The following FCHO2 variants were observed in gnomAD, a reference collection of about 807,000 sequenced individuals.
The protein encoded by FCHO2 is F-BAR domain only protein 2.
In FCHO2, 43 loss-of-function variants were observed where a neutral mutation model predicts 114.1. The ratio of observed to expected loss-of-function variants is 0.38; its 90% CI spans 0.30 to 0.49. FCHO2 has a LOEUF of 0.49. FCHO2 is among the 20% of genes least tolerant of loss of function. FCHO2 has a pLI of 0.97. For missense variants in FCHO2, 807 were observed against 950.4 expected, an observed-to-expected ratio of 0.85 and a Z score of 1.98; for synonymous variants, 293 against 315.2, an observed-to-expected ratio of 0.93 and a Z score of 0.75.
At chr5:73,039,090 A>G (rs1055078667) in intron 10 of FCHO2, among the ~76,000 whole-genome samples, 1 of 152,192 alleles carries the variant, frequency 6.6e-6, no homozygotes, top group Admixed American at 6.5e-5. Context: ...ACCAATGGCA[A>G]TAGTAGAGCA....
chr5:72,979,841 G>T (rs1276512801), intron 2 of FCHO2, among the ~76,000 whole-genome samples: 2 of 151,828 alleles, frequency 1.3e-5, no homozygotes, highest in African/African-American at 4.8e-5. Context: ...CTCTTTTCTT[G>T]TTTGTTATTC....
chr5:73,043,932 G>T (rs1451911690), intron 11 of FCHO2, among the ~76,000 whole-genome samples: 1 of 152,114 alleles, frequency 6.6e-6, no homozygotes, highest in Non-Finnish European at 1.5e-5. Flanking sequence ...GCCCAAATCT[G>T]TTGTCAAATT....
chr5:73,073,642 CTATT>C (rs1742769046), intron 19 of FCHO2, among the ~76,000 whole-genome samples: 1 of 151,984 alleles, frequency 6.6e-6, no homozygotes, highest in Non-Finnish European at 1.5e-5. Context: ...TCTTTTTTCA[CTATT>C]TATAGCATCT....
At chr5:73,026,419 G>A (rs1023555721) in intron 8 of FCHO2, among the ~76,000 whole-genome samples, 4 of 151,768 alleles carry the variant, frequency 2.6e-5, no homozygotes, top group African/African-American at 9.7e-5. Context: ...GCCATGAGCC[G>A]AGATTGCATC....
At chr5:72,968,702 A>T in intron 2 of FCHO2, 113 bp downstream of exon 2, 2 of 729,100 alleles carry the variant, frequency 2.7e-6, no homozygotes, top group South Asian at 4.0e-5. Context: ...AATTGTTTTA[A>T]AATATGTACT....
intron 8 of FCHO2, among the ~76,000 whole-genome samples, chr5:73,027,402 A>G (rs1379942293): frequency 6.6e-6 from 1 of 151,620 alleles, no homozygotes; most frequent in Non-Finnish European, 1.5e-5. Flanking sequence ...TTGAAGAGCA[A>G]AAGTTAATTT....
intron 20 of FCHO2, among the ~76,000 whole-genome samples, chr5:73,075,460 CAGG>C: frequency 6.6e-6 from 1 of 152,176 alleles, no homozygotes; most frequent in South Asian, 2.1e-4. Context: ...TAGGAGTAAA[CAGG>C]AGAGTACTTG....
chr5:73,060,245 T>C (rs1465102867), intron 17 of FCHO2, among the ~76,000 whole-genome samples: 2 of 152,048 alleles, frequency 1.3e-5, no homozygotes, highest in Non-Finnish European at 2.9e-5. Context: ...TTGCTGGTTT[T>C]AAAATTCACT....
chr5:72,972,806 T>A (rs918950932), intron 2 of FCHO2, among the ~76,000 whole-genome samples: 2 of 152,128 alleles, frequency 1.3e-5, no homozygotes, highest in African/African-American at 4.8e-5. Context: ...GCTTCCAGTT[T>A]TTGCCCATTC....
intron 8 of FCHO2, among the ~76,000 whole-genome samples, chr5:73,025,466 C>T (rs1755866001): frequency 6.6e-6 from 1 of 151,584 alleles, no homozygotes; most frequent in Non-Finnish European, 1.5e-5. Flanking sequence ...GCAACCTCCG[C>T]CTGCCGGGTT....
intron 10 of FCHO2, among the ~76,000 whole-genome samples, chr5:73,038,635 A>G (rs370660411): frequency 2.0e-5 from 3 of 152,072 alleles, no homozygotes; most frequent in South Asian, 2.1e-4. Context: ...TTATATTTCT[A>G]TTTGAGTTTC....
intron 12 of FCHO2, 52 bp downstream of exon 12, chr5:73,051,458 G>A: frequency 8.5e-7 from 1 of 1,182,644 alleles, no homozygotes; most frequent in Non-Finnish European, 1.2e-6. Flanking sequence ...ATATAAGTAG[G>A]CAGTTATAAG....
At chr5:73,078,712 A>C (rs1241135469) in intron 22 of FCHO2, among the ~76,000 whole-genome samples, 3 of 152,244 alleles carry the variant, frequency 2.0e-5, no homozygotes, top group African/African-American at 7.2e-5. Flanking sequence ...GCATTAATAA[A>C]TACTGGGAAA....
chr5:72,995,789 T>C (rs1754060070), intron 5 of FCHO2, among the ~76,000 whole-genome samples: 1 of 152,066 alleles, frequency 6.6e-6, no homozygotes, highest in Admixed American at 6.6e-5. Context: ...AACCGATTAA[T>C]ACATTAATAG....
At chr5:73,056,735 T>C (rs971211415) in intron 16 of FCHO2, among the ~76,000 whole-genome samples, 3 of 152,178 alleles carry the variant, frequency 2.0e-5, no homozygotes, top group African/African-American at 4.8e-5. Flanking sequence ...CTGGTTATTC[T>C]CATGGGAATT....
At chr5:73,033,108 T>A (rs1004893604) in intron 8 of FCHO2, among the ~76,000 whole-genome samples, 7 of 152,148 alleles carry the variant, frequency 4.6e-5, no homozygotes, top group Admixed American at 2.0e-4. Flanking sequence ...TTAAATGATT[T>A]CTCAGCTTCC....
At chr5:72,993,759 G>C (rs1753931874) in intron 5 of FCHO2, among the ~76,000 whole-genome samples, 2 of 152,150 alleles carry the variant, frequency 1.3e-5, no homozygotes, top group African/African-American at 4.8e-5. Flanking sequence ...TAATGGCTTT[G>C]ATTATTTTCT....
At position 73,081,900 on chromosome 5, in the gene FCHO2, C is replaced by T; in HGVS notation, c.2098C>T (p.Pro700Ser). 1 of 1,612,422 alleles carries T rather than the reference C, an allele frequency of 6.2e-7. No homozygotes were observed. The highest frequency in any genetic ancestry group is 1.7e-5 in the Admixed American group (1 of 59,900). Residue 700 changes from proline to serine, a missense_variant, in exon 23 of 26, where the codon CCT becomes TCT. Coordinates refer to ENST00000430046, the MANE Select transcript of FCHO2 (RefSeq NM_138782.3). ...YKYNPEAMVAPSVLSNIQVVV... is the reference protein window; with the variant it reads ...YKYNPEAMVASSVLSNIQVVV... ...ATACAATCCAGAAGCTATGGTGGCA[C>T]CTAGTGTGCTTTCCAACATACAGGT... is the stretch of plus-strand genomic sequence containing the variant.
In FCHO2 at chr5:73,089,766, G is replaced by A. The variant is rs573809262; in HGVS notation, c.*1676G>A. ...CTAGACATTTATGTAACATCTTGCT[G>A]TACTAAATACAGCAGAAAATCTACT... On this transcript the variant is annotated 3_prime_UTR_variant, in exon 26 of 26. Coordinates refer to ENST00000430046, the MANE Select transcript of FCHO2 (RefSeq NM_138782.3). 1 of 152,578 alleles carries A rather than the reference G, an allele frequency of 6.6e-6. No homozygotes were observed. Among genetic ancestry groups the A allele is most frequent in the East Asian group, 1.9e-4 (1 of 5,182 alleles). 9.5% of individuals were successfully genotyped at this position (152,578 alleles called of 1,614,324 possible).
Sources: gnomAD v4.1 joint callset for allele counts (sites outside exome capture counted in the v4.1 genomes callset) on GRCh38, gnomAD v4.1.1 for gene constraint, MANE v1.5 for transcripts, NCBI Gene and HGNC (gene_info 2026-07-23, HGNC 2026-07-21) for gene names.